Variants in SDK2 observed in about 807,000 individuals in gnomAD.
SDK2 encodes the protein protein sidekick-2.
In SDK2, 105 loss-of-function variants were observed where a neutral mutation model predicts 253.9. The ratio of observed to expected loss-of-function variants is 0.41; its 90% CI spans 0.35 to 0.49. The LOEUF is 0.49. Among genes scored for constraint, SDK2 ranks in the 20% least tolerant of loss-of-function variants. The probability of loss-of-function intolerance (pLI) is 0.06; values close to 1 mark genes in which losing one functional copy is unlikely to be tolerated. For synonymous variants in SDK2, 1,249 were observed against 1,234.9 expected, an observed-to-expected ratio of 1.01 and a Z score of -0.24; for missense variants, 2,608 against 3,003.0, an observed-to-expected ratio of 0.87 and a Z score of 3.07.
chr17:73,543,148 AC>A (rs943718362), intron 1 of SDK2, among the ~76,000 whole-genome samples: 41 of 152,278 alleles, frequency 2.7e-4, no homozygotes, highest in African/African-American at 9.6e-4. Flanking sequence ...GGGATGAGTG[AC>A]CGGCAGCCTT....
chr17:73,630,669 C>T (rs1851579038), intron 1 of SDK2, among the ~76,000 whole-genome samples: 1 of 152,170 alleles, frequency 6.6e-6, no homozygotes, highest in South Asian at 2.1e-4. Context: ...TTCCAAGTTC[C>T]TGGAGACACA....
chr17:73,584,544 T>C (rs1175429118), intron 1 of SDK2, among the ~76,000 whole-genome samples: 1 of 152,184 alleles, frequency 6.6e-6, no homozygotes, highest in African/African-American at 2.4e-5. Context: ...TAGGAGGCTT[T>C]GGAGAGAGTC....
rs1599552448 is a variant in SDK2, at chr17:73,423,435, A to G, written c.1848T>C (p.Phe616=). The part of the protein sequence containing the change: ...RAINLTWTKP[F]DGNSPLIRYI... ...AGCGGATCAGGGGGCTGTTGCCATC[A>G]AAGGGCTTGGTCCACGTCAGGTTGA... Residue 616 remains phenylalanine (F), a synonymous_variant, in exon 14 of 45, where the codon TTT becomes TTC. Transcript: ENST00000392650. The G allele has an allele frequency of 1.3e-6, 2 of 1,577,716 alleles. No individual in the cohort carries two copies. Among genetic ancestry groups the G allele is most frequent in the Non-Finnish European group, 8.6e-7 (1 of 1,159,442 alleles).
At chr17:73,482,925 C>T (rs918795075) in intron 2 of SDK2, among the ~76,000 whole-genome samples, 7 of 152,210 alleles carry the variant, frequency 4.6e-5, no homozygotes, top group African/African-American at 1.4e-4. Flanking sequence ...CTGGTTCATT[C>T]CCAGGTCAAC....
At chr17:73,521,155 T>G (rs969552146) in intron 1 of SDK2, 1 of 151,516 alleles carries the variant, frequency 6.6e-6, no homozygotes, top group African/African-American at 2.4e-5. Flanking sequence ...ATCCTCCACT[T>G]TAGCCTCTCG....
At position 73,609,909 on chromosome 17, in the gene SDK2, A is replaced by C. The variant is rs2045952418; in HGVS notation, c.64+34116T>G. Among the ~76,000 whole-genome samples, 1 of 152,228 alleles carries C rather than the reference A, an allele frequency of 6.6e-6. No homozygotes were observed. The highest frequency in any genetic ancestry group is 1.5e-5 in the Non-Finnish European group (1 of 68,030). On this transcript the variant is annotated intron_variant, in intron 1 of 44. Transcript: ENST00000392650. This position sits in a 1 kb window ranked among gnomAD's most constrained non-coding sequence, Gnocchi z 4.4. ...TCAACAGGCAGCTGTCAGGAGACAA[A>C]AACAGCTCACTGGAGCAAGGGCTGG... is the stretch of plus-strand genomic sequence containing the variant.
intron 6 of SDK2, among the ~76,000 whole-genome samples, chr17:73,438,998 C>T (rs139737606): frequency 1.3e-5 from 2 of 152,308 alleles, no homozygotes; most frequent in East Asian, 3.9e-4. Flanking sequence ...TGGCCTTGCC[C>T]AAGTCCTGGG....
rs538853593 is a variant in SDK2 at position 73,402,715 on chromosome 17, C to G, written c.2485-574G>C. Among the ~76,000 whole-genome samples, 9 of 152,276 alleles carry G rather than the reference C, an allele frequency of 5.9e-5. No individual in the cohort carries two copies. In the South Asian group the frequency reaches 1.9e-3, roughly 32 times the overall value. On this transcript the variant is annotated intron_variant, in intron 18 of 44. Coordinates refer to ENST00000392650, the MANE Select transcript of SDK2 (RefSeq NM_001144952.2). ...ACCTCCTGGGCTAAAGCAGTCCTCC[C>G]ACCTCAGCCTCCCAAAGTGCTGGGA...
At chr17:73,559,348 GAAATGGGA>G (rs1429526000) in intron 1 of SDK2, among the ~76,000 whole-genome samples, 5 of 152,330 alleles carry the variant, frequency 3.3e-5, no homozygotes, top group Admixed American at 2.0e-4. Context: ...CAATGAGGAT[GAAATGGGA>G]CAATGTACGC....
chr17:73,643,957 T>TGCCCCCCCCCCCCCCCCCCCCCCACAA lies in SDK2; in HGVS notation c.64+67_64+68insTTGTGGGGGGGGGGGGGGGGGGGGGGC. The TGCCCCCCCCCCCCCCCCCCCCCCACAA allele has an allele frequency of 9.8e-7, 1 of 1,019,998 alleles. No individual in the cohort carries two copies. The allele number at this position is 1,019,998 out of a possible 1,614,324, so 63.2% of individuals were successfully genotyped here. On this transcript the variant is annotated intron_variant, in intron 1 of 44. Coordinates refer to ENST00000392650, the MANE Select transcript of SDK2 (RefSeq NM_001144952.2). This position sits in a 1 kb window ranked among gnomAD's most constrained non-coding sequence, Gnocchi z 6.9. ...GGAGGTCACCGTGAGGCCGGCCAGC[T>TGCCCCCCCCCCCCCCCCCCCCCCACAA]CCCGCCGCCCCTCCCCCGCCCACTC...
At position 73,644,322 on chromosome 17, in the gene SDK2, G is replaced by A. The variant is rs868476495; in HGVS notation, c.-234C>T. ...CGCCCGGAAGGCGAGGGGCGAGCAG[G>A]GAGAAAGAGGCCAGGCCGCCCTCTC... On this transcript the variant is annotated 5_prime_UTR_variant, in exon 1 of 45. Coordinates refer to ENST00000392650, the MANE Select transcript of SDK2 (RefSeq NM_001144952.2). The surrounding 1 kb of genome is among the most constrained non-coding windows in gnomAD (Gnocchi z 6.3). 6.6e-6 allele frequency among the ~76,000 whole-genome samples: 1 copy of A among 152,304 alleles called. No individual in the cohort carries two copies. The highest frequency in any genetic ancestry group is 2.4e-5 in the African/African-American group (1 of 41,586).
intron 1 of SDK2, among the ~76,000 whole-genome samples, chr17:73,601,964 G>A (rs376110930): frequency 6.6e-5 from 10 of 152,146 alleles, no homozygotes; most frequent in Admixed American, 3.9e-4. Flanking sequence ...GGCTGGTCTC[G>A]AACTCCTCAC....
At chr17:73,600,267 G>C (rs2045819109) in intron 1 of SDK2, among the ~76,000 whole-genome samples, 1 of 152,248 alleles carries the variant, frequency 6.6e-6, no homozygotes, top group Non-Finnish European at 1.5e-5. Flanking sequence ...TGCTGGGCCA[G>C]AGGCCACATC....
At chr17:73,600,712 C>T (rs897162081) in intron 1 of SDK2, among the ~76,000 whole-genome samples, 1 of 152,350 alleles carries the variant, frequency 6.6e-6, no homozygotes, top group South Asian at 2.1e-4. Context: ...GTGCAAACCA[C>T]AGCCCATCAA....
chr17:73,597,740 G>T (rs1416522394), intron 1 of SDK2, among the ~76,000 whole-genome samples: 1 of 151,808 alleles, frequency 6.6e-6, no homozygotes, highest in Non-Finnish European at 1.5e-5. Context: ...CCGCCTCCCG[G>T]GTTCACGCCA....
At chr17:73,583,129 CCT>C (rs2045558572) in intron 1 of SDK2, among the ~76,000 whole-genome samples, 1 of 152,198 alleles carries the variant, frequency 6.6e-6, no homozygotes, top group African/African-American at 2.4e-5. Flanking sequence ...TCACAGATCC[CCT>C]GTTCAATATT....
chr17:73,432,733 G>C (rs73347758), intron 10 of SDK2, among the ~76,000 whole-genome samples: 1 of 150,026 alleles, frequency 6.7e-6, no homozygotes, highest in African/African-American at 2.4e-5. Context: ...TCTGAGCTGG[G>C]GCTTGCCGGT....
At position 73,569,234 on chromosome 17, in the gene SDK2, G is replaced by C. The variant is rs1599686889; in HGVS notation, c.65-61637C>G. Reference sequence around the variant, plus strand: ...TTTTTTTGAGATGGAGTCTCACTCTGTCGCCCAGGCTGGAGGGCAATGGCG... The same window carrying C: ...TTTTTTTGAGATGGAGTCTCACTCTCTCGCCCAGGCTGGAGGGCAATGGCG... On this transcript the variant is annotated intron_variant, in intron 1 of 44. Coordinates refer to ENST00000392650, the MANE Select transcript of SDK2 (RefSeq NM_001144952.2). Among the ~76,000 whole-genome samples the C allele has an allele frequency of 2.9e-5, 4 of 138,808 alleles. No homozygotes were observed. In the South Asian group the frequency reaches 9.0e-4, roughly 31 times the overall value. 91.1% of individuals were successfully genotyped at this position (138,808 alleles called of 152,430 possible). A position where few individuals can be genotyped will look rare whatever the true frequency, so the allele number is the denominator to read the frequency against.
chr17:73,379,537 T>C lies in SDK2; in HGVS notation c.4775A>G (p.His1592Arg), dbSNP rs1421601439. The change falls in exon 35 of 45, where the codon CAC (histidine) becomes CGC (arginine). Residue 1592 changes from histidine (H) to arginine (R), a missense_variant. By Grantham distance (29) the His-to-Arg change is conservative. Transcript: ENST00000392650. The surrounding 1 kb of genome is among the most constrained non-coding windows in gnomAD (Gnocchi z 4.5). ...TQYELDNLNK[H>R]RRYEIRMSVY... ...GCTCATCCGTATCTCGTACCGCCTG[T>C]GCTTGTTCAGGTCTGTGGGGGAGAG... 3 of 1,610,914 alleles carry C rather than the reference T, an allele frequency of 1.9e-6. No individual in the cohort carries two copies. In the South Asian group the frequency reaches 3.3e-5, roughly 18 times the overall value.
Sources: gnomAD v4.1 joint callset for allele counts (sites outside exome capture counted in the v4.1 genomes callset) on GRCh38, gnomAD v4.1.1 for gene constraint, Gnocchi (gnomAD v3.1) non-coding constraint, MANE v1.5 for transcripts, NCBI Gene and HGNC (gene_info 2026-07-23, HGNC 2026-07-21) for gene names.